PKIG: variants seen among roughly 807,000 people sequenced by gnomAD.
The protein encoded by PKIG is protein kinase (cAMP-dependent, catalytic) inhibitor gamma.
In PKIG, 1 loss-of-function variant was observed where a neutral mutation model predicts 6.8. The observed-to-expected ratio is 0.15, with a 90% confidence interval of 0.05 to 0.69. The LOEUF (loss-of-function observed/expected upper bound fraction) is 0.69. PKIG is among the 30% of genes least tolerant of loss of function. The pLI is 0.82. For synonymous variants in PKIG, 39 were observed against 43.0 expected, an observed-to-expected ratio of 0.91 and a Z score of 0.36; for missense variants, 77 against 104.0, an observed-to-expected ratio of 0.74 and a Z score of 1.13.
intron 1 of PKIG, among the ~76,000 whole-genome samples, chr20:44,568,590 A>C (rs1299120292): frequency 6.6e-6 from 1 of 151,926 alleles, no homozygotes; most frequent in African/African-American, 2.4e-5. Flanking sequence ...AGCTGAGATT[A>C]CAGGCACCTG....
intron 1 of PKIG, among the ~76,000 whole-genome samples, chr20:44,587,925 A>G (rs2065003710): frequency 6.6e-6 from 1 of 151,610 alleles, no homozygotes; most frequent in Admixed American, 6.6e-5. Context: ...AGATTCATCT[A>G]CTGCTAAGAA....
At chr20:44,609,750 C>G (rs2065197270) in intron 2 of PKIG, among the ~76,000 whole-genome samples, 1 of 152,100 alleles carries the variant, frequency 6.6e-6, no homozygotes, top group South Asian at 2.1e-4. Context: ...CTCGGAGGCT[C>G]CGGGAGCCAG....
chr20:44,599,387 T>C (rs1013865107), intron 2 of PKIG, among the ~76,000 whole-genome samples: 4 of 152,190 alleles, frequency 2.6e-5, no homozygotes, highest in Non-Finnish European at 5.9e-5. Flanking sequence ...TAAAATTAAA[T>C]GCTTGTAAGA....
upstream of PKIG, among the ~76,000 whole-genome samples, chr20:44,582,029 C>A (rs1215289275): frequency 6.6e-6 from 1 of 152,060 alleles, no homozygotes; most frequent in Non-Finnish European, 1.5e-5. Context: ...ACCCAGTTTC[C>A]CAGGGGACAC....
intron 3 of PKIG, among the ~76,000 whole-genome samples, chr20:44,617,790 A>C (rs2065280712): frequency 6.6e-6 from 1 of 152,044 alleles, no homozygotes; most frequent in Admixed American, 6.5e-5. Flanking sequence ...CACACCTATA[A>C]TCCCAGCACT....
In PKIG at chr20:44,584,742, C is replaced by T. The variant is rs150830985; in HGVS notation, c.-94+2011C>T. On this transcript the variant is annotated intron_variant, in intron 1 of 3. Transcript: ENST00000372886. ...CACTTCTTTTTTTTTTTTTTTGAGA[C>T]GGAGTCTCACTCTGTCTCCCAGGCT... Among the ~76,000 whole-genome samples, 142 of 145,616 alleles carry T rather than the reference C, an allele frequency of 9.8e-4. 1 individual carries two copies. The highest frequency in any genetic ancestry group is 3.3e-3 in the African/African-American group (130 of 39,190).
chr20:44,534,978 T>C (rs2064499717), intron 1 of PKIG, among the ~76,000 whole-genome samples: 1 of 152,186 alleles, frequency 6.6e-6, no homozygotes, highest in Non-Finnish European at 1.5e-5. Context: ...TATGATTGTC[T>C]GCTGAGAAAA....
At chr20:44,576,470 G>A (rs998282478) in intron 1 of PKIG, among the ~76,000 whole-genome samples, 3 of 152,140 alleles carry the variant, frequency 2.0e-5, no homozygotes, top group Non-Finnish European at 4.4e-5. Context: ...AAATCTGATG[G>A]CTGAGTAGGA....
intron 1 of PKIG, among the ~76,000 whole-genome samples, chr20:44,551,975 G>A (rs1164855869): frequency 1.3e-5 from 2 of 152,122 alleles, no homozygotes; most frequent in Non-Finnish European, 2.9e-5. Flanking sequence ...CCGTGTATTG[G>A]AATCGGCTAG....
At chr20:44,582,360 A>G (rs1035860614), upstream of PKIG, among the ~76,000 whole-genome samples, 1 of 152,184 alleles carries the variant, frequency 6.6e-6, no homozygotes, top group Non-Finnish European at 1.5e-5. Context: ...TTGAAAATTG[A>G]AGGAAGGATA....
intron 1 of PKIG, among the ~76,000 whole-genome samples, chr20:44,560,701 C>T (rs244122): frequency 0.23 from 34,816 of 152,078 alleles, 5,313 homozygotes; most frequent in African/African-American, 0.43. Flanking sequence ...CTCACAATAG[C>T]CTTGCCACCA....
At chr20:44,579,391 G>T (rs567649983), upstream of PKIG, among the ~76,000 whole-genome samples, 14 of 152,356 alleles carry the variant, frequency 9.2e-5, no homozygotes, top group African/African-American at 3.4e-4. Context: ...TTCCTGAAGG[G>T]AAGCCCTTTA....
intron 2 of PKIG, among the ~76,000 whole-genome samples, chr20:44,603,568 A>G (rs2065139777): frequency 6.6e-6 from 1 of 152,100 alleles, no homozygotes; most frequent in South Asian, 2.1e-4. Context: ...TGATGTGGGG[A>G]AAAGAGCTCT....
intron 2 of PKIG, among the ~76,000 whole-genome samples, chr20:44,609,043 C>CT (rs977225206): frequency 5.3e-5 from 8 of 152,144 alleles, no homozygotes; most frequent in African/African-American, 1.9e-4. Flanking sequence ...TCTGAGGATT[C>CT]TTTATTTCCC....
At position 44,575,359 on chromosome 20, in the gene PKIG, C is replaced by T. The variant is rs146547880; in HGVS notation, c.-240-7226C>T. ...TCTGCCTCCGGAGTAGCTGAGATTACAGGCACCTGCCACCACGCCCAGCCA... is the reference window on the plus strand; with the variant it reads ...TCTGCCTCCGGAGTAGCTGAGATTATAGGCACCTGCCACCACGCCCAGCCA... On this transcript the variant is annotated intron_variant, in intron 1 of 4. Coordinates refer to the PKIG transcript ENST00000372887. Among the ~76,000 whole-genome samples the T allele has an allele frequency of 3.8e-3, 585 of 152,304 alleles. 1 individual carries two copies. Among genetic ancestry groups the T allele is most frequent in the Non-Finnish European group, 7.2e-3 (493 of 68,028 alleles).
chr20:44,550,503 G>A (rs1000739251), intron 1 of PKIG, among the ~76,000 whole-genome samples: 4 of 152,118 alleles, frequency 2.6e-5, no homozygotes, highest in Non-Finnish European at 5.9e-5. Context: ...GATGCATAAT[G>A]ATTTCTGTGC....
intron 1 of PKIG, among the ~76,000 whole-genome samples, chr20:44,556,099 A>C (rs1375293997): frequency 6.6e-6 from 1 of 152,184 alleles, no homozygotes; most frequent in Non-Finnish European, 1.5e-5. Flanking sequence ...TTGGCCTCCC[A>C]AAGTGCTGGG....
In PKIG at chr20:44,601,084, G is replaced by A. The variant is rs548060862; in HGVS notation, c.-24+11218G>A. 2.5e-3 allele frequency among the ~76,000 whole-genome samples: 378 copies of A among 152,286 alleles called. 1 individual carries two copies. Among genetic ancestry groups the A allele is most frequent in the Non-Finnish European group, 4.2e-3 (285 of 68,020 alleles). ...GGTTGGAGGGAGGCCCAAAGGGTGT[G>A]GTGTCTGGAAGTCCCATGAAGAGAA... On this transcript the variant is annotated intron_variant, in intron 2 of 3. Coordinates refer to ENST00000372886, the MANE Select transcript of PKIG (RefSeq NM_001281445.2).
intron 1 of PKIG, among the ~76,000 whole-genome samples, chr20:44,558,779 T>C (rs898236977): frequency 9.9e-5 from 15 of 151,494 alleles, no homozygotes; most frequent in African/African-American, 3.7e-4. Context: ...TCTTACAGGG[T>C]CTTGCTCTGT....
Sources: allele counts gnomAD v4.1 joint callset (sites outside exome capture counted in the v4.1 genomes callset), GRCh38; gene constraint gnomAD v4.1.1; transcripts MANE v1.5; gene names NCBI Gene and HGNC (gene_info 2026-07-23, HGNC 2026-07-21).